The following GNL3 variants were observed in gnomAD, a reference collection of about 807,000 sequenced individuals.
The protein encoded by GNL3 is G protein nucleolar 3.
A neutral mutation model predicts 70.6 loss-of-function variants in GNL3; 77 were observed. The observed-to-expected ratio is 1.09, with a 90% CI of 0.91 to 1.32. GNL3 has a LOEUF of 1.32. Ranked by LOEUF, GNL3 falls within the 40% of genes most tolerant of loss-of-function variation. The pLI is 0.00. For synonymous variants in GNL3, 252 were observed against 216.1 expected, an observed-to-expected ratio of 1.17 and a Z score of -1.46; for missense variants, 634 against 644.0, an observed-to-expected ratio of 0.98 and a Z score of 0.17.
chr3:52,693,490 A>G lies in GNL3; in HGVS notation c.1270A>G (p.Lys424Glu), dbSNP rs757438273. ...YFNESIVVDM[K>E]SGFNLEELEK... ...TAATGAGAGTATTGTGGTAGACATG[A>G]AAAGCGGCTTCAATCTGGAAGAACT... The change falls in exon 12 of 15, where the codon AAA (lysine) becomes GAA (glutamate). Residue 424 changes from lysine to glutamate, a missense_variant. By Grantham distance (56) the Lys-to-Glu change is moderately conservative. Coordinates refer to ENST00000418458, the MANE Select transcript of GNL3 (RefSeq NM_014366.5). The G allele has an allele frequency of 6.2e-7, 1 of 1,614,148 alleles. No individual in the cohort carries two copies. Among genetic ancestry groups the G allele is most frequent in the Non-Finnish European group, 8.5e-7 (1 of 1,180,018 alleles).
At chr3:52,688,297 T>C (rs894183025) in intron 5 of GNL3, 105 bp downstream of exon 5, 4 of 692,724 alleles carry the variant, frequency 5.8e-6, no homozygotes, top group Non-Finnish European at 1.0e-5. Flanking sequence ...GCAGGTTTGT[T>C]ATATGGGTAA....
Position 52,694,406 on chromosome 3 carries a change from T to C in GNL3, c.*131T>C, listed in dbSNP as rs956734628. 5.1e-6 allele frequency: 3 copies of C among 593,954 alleles called. No individual in the cohort carries two copies. The highest frequency in any genetic ancestry group is 6.3e-5 in the Admixed American group (2 of 31,780). The allele number at this position is 593,954 out of a possible 1,614,324, so 36.8% of individuals were successfully genotyped here. A position where few individuals can be genotyped will look rare whatever the true frequency, so the allele number is the denominator to read the frequency against. The stretch of plus-strand genomic sequence containing the variant: ...ATGTATTATATTAAAACCAGGCAAC[T>C]TGGAATCCCTAAATTCTGTAAAAAG... On this transcript the variant is annotated 3_prime_UTR_variant, in exon 15 of 15. Transcript: ENST00000418458.
intron 4 of GNL3, 157 bp from the exon 5 acceptor site, chr3:52,687,951 AC>A (rs2097323810): frequency 3.1e-6 from 2 of 639,934 alleles, no homozygotes; most frequent in Non-Finnish European, 5.6e-6. Context: ...AAGCACATCC[AC>A]AGGCTGCTGA....
At chr3:52,693,136 T>C (rs1324152624) in intron 10 of GNL3, 51 bp from the exon 11 acceptor site, 2 of 1,598,384 alleles carry the variant, frequency 1.3e-6, no homozygotes, top group Non-Finnish European at 1.7e-6. Flanking sequence ...TGTTTTAAAG[T>C]ACTGGCATGT....
At chr3:52,688,991 T>C (rs2097324746) in intron 5 of GNL3, 83 bp from the exon 6 acceptor site, 2 of 1,120,792 alleles carry the variant, frequency 1.8e-6, no homozygotes, top group Non-Finnish European at 2.7e-6. Flanking sequence ...TACTCTCTTG[T>C]GGAAGGTATT....
intron 1 of GNL3, 127 bp downstream of exon 1, chr3:52,686,232 T>C: frequency 1.1e-6 from 1 of 935,412 alleles, no homozygotes; most frequent in East Asian, 2.5e-5. Context: ...CGCGTAGGCC[T>C]TGGCCCTATT....
rs562966854 is a variant in GNL3 at position 52,687,317 on chromosome 3, A to C, written c.144A>C (p.Pro48=). ...GTCACAAGAAGCCTAGGAAAGACCC[A>C]GGAGTTCCAAACAGTGCTCCCTTTA... ...KRGHKKPRKD[P]GVPNSAPFKE... is the part of the protein sequence containing the mutation. Residue 48 remains proline, a synonymous_variant, in exon 3 of 15, where the codon CCA becomes CCC. Coordinates refer to ENST00000418458, the MANE Select transcript of GNL3 (RefSeq NM_014366.5). The C allele has an allele frequency of 6.2e-7, 1 of 1,613,252 alleles. No individual in the cohort carries two copies. Among genetic ancestry groups the C allele is most frequent in the Non-Finnish European group, 8.5e-7 (1 of 1,179,148 alleles).
At chr3:52,691,208 T>A in intron 8 of GNL3, 137 bp downstream of exon 8, 2 of 736,574 alleles carry the variant, frequency 2.7e-6, no homozygotes, top group South Asian at 3.6e-5. Flanking sequence ...AGCTTCTTGC[T>A]TATACCTTAC....
chr3:52,686,884 T>A (rs1432978885), intron 2 of GNL3, 57 bp downstream of exon 2: 2 of 1,325,918 alleles, frequency 1.5e-6, no homozygotes, highest in East Asian at 4.6e-5. Context: ...GATTTTGCCC[T>A]GTTCCTTTGC....
At chr3:52,686,300 C>G (rs1275240427) in intron 1 of GNL3, 195 bp downstream of exon 1, 2 of 628,564 alleles carry the variant, frequency 3.2e-6, no homozygotes, top group Non-Finnish European at 5.6e-6. Flanking sequence ...CGCGCGGGCT[C>G]ATTCTGCGGA....
chr3:52,688,186 TA>T lies in GNL3; in HGVS notation c.407del (p.Lys136ArgfsTer2). On this transcript the variant is annotated frameshift_variant, in exon 5 of 15. Coordinates refer to ENST00000418458, the MANE Select transcript of GNL3 (RefSeq NM_014366.5). LOFTEE classifies it high-confidence loss of function. ...CAAAGAAGCTGTACTGCCAAGAACT[TA>T]AAAAGGTATCTTAGCCTAGGTCAGT... ...NSKKLYCQEL[K>X]KVIEASDVVL... 2 of 1,581,810 alleles carry T rather than the reference TA, an allele frequency of 1.3e-6. No individual in the cohort carries two copies. The highest frequency in any genetic ancestry group is 1.7e-6 in the Non-Finnish European group (2 of 1,150,488).
At chr3:52,689,429 T>C in intron 6 of GNL3, 1 of 615,808 alleles carries the variant, frequency 1.6e-6, no homozygotes, top group East Asian at 3.2e-5. Flanking sequence ...TACCATCTTT[T>C]AAATAAAGAG....
intron 9 of GNL3, 41 bp downstream of exon 9, chr3:52,691,670 A>G: frequency 9.3e-7 from 1 of 1,070,952 alleles, no homozygotes; most frequent in Non-Finnish European, 1.5e-6. Flanking sequence ...ATAGTGACAC[A>G]CTATTTTATT....
At chr3:52,691,183 GCTCA>G (rs372501526) in intron 8 of GNL3, 112 bp downstream of exon 8, 83 of 915,202 alleles carry the variant, frequency 9.1e-5, no homozygotes, top group Non-Finnish European at 1.4e-4. Flanking sequence ...CAAGTAAAAG[GCTCA>G]CTCAAATACT....
In GNL3 at chr3:52,693,027, C is replaced by T. The variant is rs2097328878; in HGVS notation, c.1025C>T (p.Ser342Phe). The T allele has an allele frequency of 1.2e-6, 2 of 1,614,052 alleles. No individual in the cohort carries two copies. The highest frequency in any genetic ancestry group is 2.7e-5 in the African/African-American group (2 of 74,946). The change falls in exon 10 of 15, where the codon TCC becomes TTC. Residue 342 changes from serine (S) to phenylalanine (F), a missense_variant. Transcript: ENST00000418458. ...ATGGAGGCTGCCAGTGCCATCCTTTCCCAGGCTGATGCTCGACAGGTAAAA... is the reference window on the plus strand; with the variant it reads ...ATGGAGGCTGCCAGTGCCATCCTTTTCCAGGCTGATGCTCGACAGGTAAAA... ...KPMEAASAIL[S>F]QADARQVVLK...
At chr3:52,692,713 G>T (rs1361799887) in intron 9 of GNL3, 159 bp from the exon 10 acceptor site, 1 of 765,780 alleles carries the variant, frequency 1.3e-6, no homozygotes, top group African/African-American at 1.7e-5. Flanking sequence ...GAACAGTCGG[G>T]TATGCTGTTA....
At chr3:52,694,129 C>T (rs376380967) in intron 14 of GNL3, 26 bp downstream of exon 14, 52 of 1,597,234 alleles carry the variant, frequency 3.3e-5, no homozygotes, top group Admixed American at 2.5e-4. Flanking sequence ...GGGGTTCTAA[C>T]GAAGCAGCAT....
chr3:52,690,906 G>A, intron 7 of GNL3, 39 bp from the exon 8 acceptor site: 1 of 1,606,822 alleles, frequency 6.2e-7, no homozygotes, highest in African/African-American at 1.3e-5. Context: ...AAATTTATCA[G>A]GTAAGTTGCC....
intron 10 of GNL3, 27 bp downstream of exon 10, chr3:52,693,073 C>CT: frequency 6.2e-7 from 1 of 1,610,898 alleles, no homozygotes; most frequent in Admixed American, 1.7e-5. Flanking sequence ...TCATGAGCTC[C>CT]TTGGAGCCAT....
Sources: allele counts gnomAD v4.1 joint callset, GRCh38; gene constraint gnomAD v4.1.1; transcripts MANE v1.5; gene names NCBI Gene and HGNC (gene_info 2026-07-23, HGNC 2026-07-21).